The following KAZN variants were observed in gnomAD, a reference collection of about 807,000 sequenced individuals.
KAZN encodes the protein kazrin.
Under a neutral mutation model 87.4 loss-of-function variants are expected in KAZN, and 40 were observed. The observed-to-expected ratio is 0.46, with a 90% CI of 0.36 to 0.60. The LOEUF is 0.60. Among genes scored for constraint, KAZN ranks in the 20% least tolerant of loss-of-function variants. The probability of loss-of-function intolerance (pLI) is 0.00; values close to 1 mark genes in which losing one functional copy is unlikely to be tolerated. For missense variants in KAZN, 898 were observed against 1,073.9 expected (o/e 0.84, Z 2.29); for synonymous variants, 466 against 458.3 (o/e 1.02, Z -0.22).
chr1:14,608,622 G>T (rs551076423), intron 1 of KAZN, among the ~76,000 whole-genome samples: 1 of 152,212 alleles, frequency 6.6e-6, no homozygotes, highest in African/African-American at 2.4e-5. Flanking sequence ...GAGAAAGAGC[G>T]CGTCTTAAGG....
chr1:14,304,234 A>C (rs958333809), intron 2 of KAZN, among the ~76,000 whole-genome samples: 4 of 152,236 alleles, frequency 2.6e-5, no homozygotes, highest in Admixed American at 1.3e-4. Flanking sequence ...GTAGTTTGCA[A>C]AGTGCTCAAA....
At chr1:14,393,497 C>T (rs1007035866) in intron 2 of KAZN, among the ~76,000 whole-genome samples, 3 of 152,066 alleles carry the variant, frequency 2.0e-5, no homozygotes, top group Admixed American at 6.6e-5. Flanking sequence ...GGAAATCAAC[C>T]GTATTCCTTC....
intron 10 of KAZN, among the ~76,000 whole-genome samples, 198 bp downstream of exon 10, chr1:15,095,131 C>T (rs887319243): frequency 2.9e-4 from 44 of 152,088 alleles, no homozygotes; most frequent in African/African-American, 1.1e-3. Flanking sequence ...CAGCCCCCTC[C>T]GTAGAAAGAC....
At chr1:14,602,650 T>A (rs1677071124) in intron 1 of KAZN, among the ~76,000 whole-genome samples, 1 of 152,232 alleles carries the variant, frequency 6.6e-6, no homozygotes, top group Admixed American at 6.5e-5. Context: ...GCAGTTTGTT[T>A]CTCTGAAAAA....
intron 2 of KAZN, among the ~76,000 whole-genome samples, chr1:14,194,647 C>T (rs1382933772): frequency 6.6e-6 from 1 of 152,182 alleles, no homozygotes; most frequent in Non-Finnish European, 1.5e-5. Flanking sequence ...ATGAAGGCTT[C>T]ACTGAGTGCT....
At chr1:14,109,801 T>G in intron 1 of KAZN, among the ~76,000 whole-genome samples, 1 of 88,238 alleles carries the variant, frequency 1.1e-5, no homozygotes, top group African/African-American at 4.8e-5. Flanking sequence ...AAAATGCCAT[T>G]CCTTATCAAA....
intron 1 of KAZN, among the ~76,000 whole-genome samples, chr1:14,860,525 C>T (rs1650713004): frequency 6.6e-6 from 1 of 152,124 alleles, no homozygotes; most frequent in African/African-American, 2.4e-5. Context: ...ATTTTCTCTT[C>T]TTTCTGGCAC....
chr1:14,187,289 A>G (rs370729243), intron 2 of KAZN, among the ~76,000 whole-genome samples: 33 of 152,302 alleles, frequency 2.2e-4, no homozygotes, highest in Middle Eastern at 3.4e-3. Context: ...CTTCAGATAT[A>G]GAATACCTCA....
chr1:15,029,284 C>T (rs1671453251), intron 2 of KAZN, among the ~76,000 whole-genome samples: 1 of 152,208 alleles, frequency 6.6e-6, no homozygotes, highest in Non-Finnish European at 1.5e-5. Flanking sequence ...AAGGCAGGAA[C>T]CACGTCTGGC....
intron 8 of KAZN, among the ~76,000 whole-genome samples, chr1:15,086,061 C>T (rs1026523448): frequency 6.6e-6 from 1 of 152,096 alleles, no homozygotes; most frequent in African/African-American, 2.4e-5. Context: ...ACCTCTGCCT[C>T]CTGGGTTCAA....
chr1:14,252,385 T>C (rs1337390746), intron 2 of KAZN, among the ~76,000 whole-genome samples: 2 of 152,178 alleles, frequency 1.3e-5, no homozygotes, highest in Non-Finnish European at 2.9e-5. Flanking sequence ...TGTGTGGTGG[T>C]GAATTTTCTC....
At chr1:14,388,831 A>G (rs914347594) in intron 2 of KAZN, among the ~76,000 whole-genome samples, 4 of 152,192 alleles carry the variant, frequency 2.6e-5, no homozygotes, top group African/African-American at 9.7e-5. Context: ...CAGGCAACCA[A>G]AGCAAAAAGG....
At chr1:14,331,808 CT>C (rs1656878838) in intron 2 of KAZN, among the ~76,000 whole-genome samples, 1 of 152,120 alleles carries the variant, frequency 6.6e-6, no homozygotes, top group Non-Finnish European at 1.5e-5. Flanking sequence ...CCATCATTTC[CT>C]TGCTTTTCTT....
At chr1:14,474,369 GTTA>G (rs1483341363) in intron 2 of KAZN, among the ~76,000 whole-genome samples, 6 of 152,110 alleles carry the variant, frequency 3.9e-5, no homozygotes, top group Non-Finnish European at 7.3e-5. Context: ...TTTCGTTGAA[GTTA>G]TTAGAAAAAG....
At position 15,056,758 on chromosome 1, in the gene KAZN, C is replaced by T. The variant is rs1257353475; in HGVS notation, c.916+478C>T. ...CTTGATTGACAGCTCTGGCCAATCA[C>T]AGGGCATCCAAGAGGGGCTGATGTC... On this transcript the variant is annotated intron_variant, in intron 5 of 14. Coordinates refer to ENST00000376030, the MANE Select transcript of KAZN (RefSeq NM_201628.3). This position sits in a 1 kb window ranked among gnomAD's most constrained non-coding sequence, Gnocchi z 5.4. Among the ~76,000 whole-genome samples, 1 of 152,198 alleles carries T rather than the reference C, an allele frequency of 6.6e-6. No individual in the cohort carries two copies. Among genetic ancestry groups the T allele is most frequent in the Non-Finnish European group, 1.5e-5 (1 of 68,030 alleles).
intron 1 of KAZN, among the ~76,000 whole-genome samples, chr1:14,791,059 C>A (rs1451405276): frequency 6.6e-6 from 1 of 152,192 alleles, no homozygotes; most frequent in Non-Finnish European, 1.5e-5. Flanking sequence ...CAAGTCTCAT[C>A]CCACCCTACC....
At chr1:14,809,796 G>A (rs1646348032) in intron 1 of KAZN, among the ~76,000 whole-genome samples, 1 of 152,144 alleles carries the variant, frequency 6.6e-6, no homozygotes, top group Non-Finnish European at 1.5e-5. Context: ...TGGCTGGGAG[G>A]CTTGCAGTCT....
chr1:15,083,894 A>C (rs1010972335), intron 8 of KAZN, among the ~76,000 whole-genome samples: 1 of 152,174 alleles, frequency 6.6e-6, no homozygotes, highest in African/African-American at 2.4e-5. Flanking sequence ...GGCTGCTCAC[A>C]TAGGTTCTTC....
chr1:14,855,783 G>A (rs1650029247), intron 1 of KAZN, among the ~76,000 whole-genome samples: 2 of 152,192 alleles, frequency 1.3e-5, no homozygotes, highest in South Asian at 4.1e-4. Context: ...GTGCACATGG[G>A]GAATAGCAGG....
Sources: allele counts gnomAD v4.1 joint callset (sites outside exome capture counted in the v4.1 genomes callset), GRCh38; gene constraint gnomAD v4.1.1; non-coding constraint Gnocchi (gnomAD v3.1); transcripts MANE v1.5; gene names NCBI Gene and HGNC (gene_info 2026-07-23, HGNC 2026-07-21).